Variants in SLC6A6 observed in about 807,000 individuals in gnomAD.
SLC6A6 encodes solute carrier family 6 member 6.
SLC6A6 carries 16 observed loss-of-function variants against 68.8 expected under a neutral mutation model. The observed-to-expected ratio is 0.23, with a 90% CI of 0.16 to 0.35. The LOEUF is 0.35. Among genes scored for constraint, SLC6A6 ranks in the 10% least tolerant of loss-of-function variants. The probability of loss-of-function intolerance (pLI) is 1.00; values close to 1 mark genes in which losing one functional copy is unlikely to be tolerated. For missense variants in SLC6A6, 474 were observed against 802.8 expected (o/e 0.59, Z 4.95); for synonymous variants, 312 against 315.4 (o/e 0.99, Z 0.12).
chr3:14,467,415 G>A (rs1207414468), intron 7 of SLC6A6, among the ~76,000 whole-genome samples: 1 of 152,200 alleles, frequency 6.6e-6, no homozygotes, highest in African/African-American at 2.4e-5. Context: ...CAACAATGGT[G>A]GTGACAGCAG....
intron 2 of SLC6A6, among the ~76,000 whole-genome samples, chr3:14,423,985 G>A (rs1268561544): frequency 6.6e-6 from 1 of 152,066 alleles, no homozygotes; most frequent in African/African-American, 2.4e-5. Context: ...TGGGGAGAAG[G>A]GTCGTCCCAG....
Position 14,468,449 on chromosome 3 carries a change from AG to A in SLC6A6, c.1096+238del, listed in dbSNP as rs1700674611. 6.6e-6 allele frequency among the ~76,000 whole-genome samples: 1 copy of A among 151,136 alleles called. No individual in the cohort carries two copies. The highest frequency in any genetic ancestry group is 6.6e-5 in the Admixed American group (1 of 15,162). On this transcript the variant is annotated intron_variant, in intron 9 of 14. Coordinates refer to ENST00000622186, the MANE Select transcript of SLC6A6 (RefSeq NM_003043.6). This position sits in a 1 kb window ranked among gnomAD's most constrained non-coding sequence, Gnocchi z 4.5. ...GTGGCAAAAGCATGGGGGGTGGTTA[AG>A]TTGGGGAATTTTTAGCTACCTTAGT...
At chr3:14,447,918 G>T in intron 5 of SLC6A6, 102 bp downstream of exon 5, 2 of 1,524,778 alleles carry the variant, frequency 1.3e-6, no homozygotes, top group Non-Finnish European at 8.8e-7. Context: ...CACTGTCTTC[G>T]GGGGAGTGGG....
intron 5 of SLC6A6, 94 bp downstream of exon 5, chr3:14,447,910 C>T: frequency 1.3e-6 from 2 of 1,542,732 alleles, no homozygotes; most frequent in South Asian, 1.2e-5. Flanking sequence ...ACAGGAGCCA[C>T]TGTCTTCGGG....
At position 14,485,470 on chromosome 3, in the gene SLC6A6, A is replaced by G. The variant is rs537111361; in HGVS notation, c.*463A>G. The G allele has an allele frequency of 1.3e-5, 2 of 154,210 alleles. No homozygotes were observed. The highest frequency in any genetic ancestry group is 3.8e-4 in the East Asian group (2 of 5,196). 9.6% of individuals were successfully genotyped at this position (154,210 alleles called of 1,614,324 possible). ...GAAAGTTCTGTCCAGTAAACGCAGG[A>G]TGGAATTTTCCTGGGACTCTACACC... On this transcript the variant is annotated 3_prime_UTR_variant, in exon 15 of 15. Transcript: ENST00000622186.
At position 14,485,812 on chromosome 3, in the gene SLC6A6, G is replaced by A. The variant is rs1701144444; in HGVS notation, c.*805G>A. 6.6e-6 allele frequency: 1 copy of A among 152,390 alleles called. No homozygotes were observed. The highest frequency in any genetic ancestry group is 1.5e-5 in the Non-Finnish European group (1 of 68,048). The allele number at this position is 152,390 out of a possible 1,614,324, so 9.4% of individuals were successfully genotyped here. A position where few individuals can be genotyped will look rare whatever the true frequency, so the allele number is the denominator to read the frequency against. On this transcript the variant is annotated 3_prime_UTR_variant, in exon 15 of 15. Coordinates refer to ENST00000622186, the MANE Select transcript of SLC6A6 (RefSeq NM_003043.6). ...TAGTCAGTAGACCGTCAGAACCACT[G>A]GCCAGAGAGGGAGCTGCTAGAGATC...
At chr3:14,417,432 T>C (rs2124906523) in intron 2 of SLC6A6, among the ~76,000 whole-genome samples, 1 of 151,922 alleles carries the variant, frequency 6.6e-6, no homozygotes, top group South Asian at 2.1e-4. Context: ...CTTCAGGCCT[T>C]TCATAAGAGC....
intron 2 of SLC6A6, among the ~76,000 whole-genome samples, chr3:14,422,893 A>G (rs545240256): frequency 3.3e-4 from 50 of 152,326 alleles, no homozygotes; most frequent in Non-Finnish European, 6.9e-4. Flanking sequence ...CTAGTCTCAC[A>G]GCCCCTCAAG....
At chr3:14,455,865 C>T (rs571327555) in intron 5 of SLC6A6, among the ~76,000 whole-genome samples, 1 of 152,262 alleles carries the variant, frequency 6.6e-6, no homozygotes, top group African/African-American at 2.4e-5. Flanking sequence ...TATAGGGATG[C>T]CCCCTGCCCC....
intron 2 of SLC6A6, among the ~76,000 whole-genome samples, chr3:14,424,598 G>C (rs562032935): frequency 6.6e-6 from 1 of 152,170 alleles, no homozygotes; most frequent in Non-Finnish European, 1.5e-5. Flanking sequence ...CCTCGGATCT[G>C]TTCAGAGTGG....
At chr3:14,413,746 G>A (rs572955632) in intron 1 of SLC6A6, among the ~76,000 whole-genome samples, 5 of 152,134 alleles carry the variant, frequency 3.3e-5, no homozygotes, top group Admixed American at 6.5e-5. Context: ...ATCCTTGCCC[G>A]TGATAACTAG....
chr3:14,451,686 T>G (rs573013941), intron 5 of SLC6A6, among the ~76,000 whole-genome samples: 2 of 152,330 alleles, frequency 1.3e-5, no homozygotes, highest in South Asian at 2.1e-4. Flanking sequence ...TGCTGAGCAC[T>G]GACTGTATAC....
At chr3:14,452,303 A>G (rs1357220996) in intron 5 of SLC6A6, among the ~76,000 whole-genome samples, 1 of 152,174 alleles carries the variant, frequency 6.6e-6, no homozygotes, top group African/African-American at 2.4e-5. Context: ...CTGTAAACAG[A>G]AGTAGCGTGG....
At chr3:14,432,238 C>A (rs908786928) in intron 2 of SLC6A6, among the ~76,000 whole-genome samples, 1 of 152,252 alleles carries the variant, frequency 6.6e-6, no homozygotes, top group South Asian at 2.1e-4. Context: ...TGGCAACCAA[C>A]CTTTCTCTTT....
rs1471313579 is a variant in SLC6A6, at chr3:14,488,922, T to C, written c.*3915T>C. 6.6e-6 allele frequency: 1 copy of C among 152,644 alleles called. No homozygotes were observed. The highest frequency in any genetic ancestry group is 2.4e-5 in the African/African-American group (1 of 41,444). The allele number at this position is 152,644 out of a possible 1,614,324, so 9.5% of individuals were successfully genotyped here. On this transcript the variant is annotated 3_prime_UTR_variant, in exon 15 of 15. Coordinates refer to ENST00000622186, the MANE Select transcript of SLC6A6 (RefSeq NM_003043.6). ...GAGATGTTGGCTTCATTTTTTTTTT[T>C]TACCCAATTAATCTCCCAATCCCTA... is the stretch of plus-strand genomic sequence containing the variant.
rs200896852 is a variant in SLC6A6 at position 14,443,627 on chromosome 3, G to A, written c.-8G>A. Reference sequence around the variant, plus strand: ...GCTTCTCTTTTGTCCCCCATAGAAAGCAAGGAGATGGCCACCAAGGAGAAG... The same window carrying A: ...GCTTCTCTTTTGTCCCCCATAGAAAACAAGGAGATGGCCACCAAGGAGAAG... On this transcript the variant is annotated 5_prime_UTR_variant, in exon 3 of 15. Transcript: ENST00000622186. 305 of 1,601,138 alleles carry A rather than the reference G, an allele frequency of 1.9e-4. No homozygotes were observed. The African/African-American group carries it at 3.8e-3, about 20-fold the overall frequency.
chr3:14,465,625 A>G (rs1045438734), intron 6 of SLC6A6, among the ~76,000 whole-genome samples: 2 of 152,236 alleles, frequency 1.3e-5, no homozygotes, highest in African/African-American at 4.8e-5. Flanking sequence ...AGGTTAAGCA[A>G]TGTGCCTAAG....
chr3:14,457,271 CA>C (rs1700391063), intron 5 of SLC6A6, among the ~76,000 whole-genome samples: 1 of 152,338 alleles, frequency 6.6e-6, no homozygotes, highest in African/African-American at 2.4e-5. Context: ...CTGAGACCCT[CA>C]AAACCCTGGC....
chr3:14,468,900 G>A lies in SLC6A6; in HGVS notation c.1096+688G>A, dbSNP rs557224552. Among the ~76,000 whole-genome samples, 36 of 152,198 alleles carry A rather than the reference G, an allele frequency of 2.4e-4. No individual in the cohort carries two copies. The highest frequency in any genetic ancestry group is 1.0e-3 in the South Asian group (5 of 4,810). On this transcript the variant is annotated intron_variant, in intron 9 of 14. Coordinates refer to ENST00000622186, the MANE Select transcript of SLC6A6 (RefSeq NM_003043.6). This position sits in a 1 kb window ranked among gnomAD's most constrained non-coding sequence, Gnocchi z 4.5. ...GAGGATGCCAGTGGCTTAGAATCAC[G>A]GACTCTGCACAGACGGGGAACTTAG...
Sources: gnomAD v4.1 joint callset for allele counts (sites outside exome capture counted in the v4.1 genomes callset) on GRCh38, gnomAD v4.1.1 for gene constraint, Gnocchi (gnomAD v3.1) non-coding constraint, MANE v1.5 for transcripts, NCBI Gene and HGNC (gene_info 2026-07-23, HGNC 2026-07-21) for gene names.